Variants in KDM6A observed in about 807,000 individuals in gnomAD.
KDM6A encodes the protein lysine demethylase 6A, also known as lysine-specific demethylase 6A.
KDM6A carries 11 observed loss-of-function variants against 117.6 expected under a neutral mutation model. The observed-to-expected ratio is 0.09, with a 90% CI of 0.06 to 0.15. KDM6A has a LOEUF of 0.15. KDM6A is among the 10% of genes least tolerant of loss of function. The probability of loss-of-function intolerance (pLI) is 1.00; values close to 1 mark genes in which losing one functional copy is unlikely to be tolerated. For synonymous variants in KDM6A, 384 were observed against 396.1 expected (o/e 0.97, Z 0.36); for missense variants, 799 against 1,077.3 (o/e 0.74, Z 3.62).
chrX:45,000,843 C>T (rs763165110), intron 4 of KDM6A, among the ~76,000 whole-genome samples: 2 of 112,648 alleles, frequency 1.8e-5, no homozygotes, highest in South Asian at 3.6e-4. Flanking sequence ...TGGAAAAGAG[C>T]TACCATGCAG....
intron 15 of KDM6A, among the ~76,000 whole-genome samples, chrX:45,061,741 C>T (rs1262169142): frequency 9.1e-6 from 1 of 109,495 alleles, no homozygotes; most frequent in East Asian, 2.9e-4. Context: ...ATCCACCTAC[C>T]TCAGCCTCCC....
chrX:45,012,667 A>G (rs1169138993), intron 5 of KDM6A, among the ~76,000 whole-genome samples: 3 of 111,548 alleles, frequency 2.7e-5, no homozygotes, highest in African/African-American at 9.8e-5. Flanking sequence ...CTTATTACAG[A>G]GCATTTACAT....
At chrX:44,900,768 G>C (rs1448574725) in intron 2 of KDM6A, among the ~76,000 whole-genome samples, 3 of 111,198 alleles carry the variant, frequency 2.7e-5, no homozygotes, top group Non-Finnish European at 5.7e-5. Flanking sequence ...GTGGTGGCAG[G>C]AGCCGGTAAT....
chrX:44,955,080 A>G (rs2038247903), intron 2 of KDM6A, among the ~76,000 whole-genome samples: 2 of 111,678 alleles, frequency 1.8e-5, no homozygotes, highest in African/African-American at 6.5e-5. Flanking sequence ...TGAATTTAAG[A>G]TGATGTTGGG....
At chrX:44,899,035 GTGTT>G (rs1242049758) in intron 2 of KDM6A, among the ~76,000 whole-genome samples, 8 of 100,931 alleles carry the variant, frequency 7.9e-5, no homozygotes, top group East Asian at 3.2e-4. Flanking sequence ...GTGTGTGTGT[GTGTT>G]TGTTTGTTTT....
intron 27 of KDM6A, among the ~76,000 whole-genome samples, chrX:45,095,477 A>G (rs967165204): frequency 2.7e-5 from 3 of 111,638 alleles, no homozygotes; most frequent in Non-Finnish European, 3.8e-5. Flanking sequence ...CGTGAGCTAT[A>G]TAACAGGAGA....
Position 44,981,940 on chromosome X carries a change from T to A in KDM6A, c.384+7225T>A, listed in dbSNP as rs758073753. Among the ~76,000 whole-genome samples, 191 of 111,875 alleles carry A rather than the reference T, an allele frequency of 1.7e-3. 1 individual carries two copies. The highest frequency in any genetic ancestry group is 9.3e-3 in the Middle Eastern group (2 of 215). Reference sequence around the variant, plus strand: ...CTCCGCTAAAAATACAAAAATTAGCTGGGTGTGGTAGTGCTTCCTTGTAAT... The same window carrying A: ...CTCCGCTAAAAATACAAAAATTAGCAGGGTGTGGTAGTGCTTCCTTGTAAT... On this transcript the variant is annotated intron_variant, in intron 4 of 29. Transcript: ENST00000611820.
chrX:45,096,095 A>G (rs2046095815), intron 27 of KDM6A, among the ~76,000 whole-genome samples: 1 of 111,723 alleles, frequency 9.0e-6, no homozygotes, highest in Non-Finnish European at 1.9e-5. Flanking sequence ...CATACGAATT[A>G]TAGGCTATAT....
At chrX:45,024,798 A>G (rs143421558) in intron 6 of KDM6A, among the ~76,000 whole-genome samples, 263 of 111,910 alleles carry the variant, frequency 2.4e-3, no homozygotes, top group African/African-American at 8.2e-3. Context: ...CTTTAGTCTC[A>G]GTTATCTATC....
At chrX:44,950,334 T>C (rs983883401) in intron 2 of KDM6A, among the ~76,000 whole-genome samples, 2 of 111,878 alleles carry the variant, frequency 1.8e-5, no homozygotes, top group African/African-American at 3.3e-5. Context: ...AACTTTTTCA[T>C]ATGGAAAATC....
At chrX:44,898,022 A>G (rs1161388691) in intron 2 of KDM6A, among the ~76,000 whole-genome samples, 4 of 111,590 alleles carry the variant, frequency 3.6e-5, no homozygotes, top group Non-Finnish European at 5.7e-5. Flanking sequence ...GACTGGTGGG[A>G]TGGAAGTTCA....
chrX:44,959,884 C>T (rs758299019), intron 2 of KDM6A, among the ~76,000 whole-genome samples: 1 of 111,544 alleles, frequency 9.0e-6, no homozygotes, highest in Admixed American at 9.6e-5. Flanking sequence ...TGATTTGGTA[C>T]ATATAGCTAA....
At chrX:45,033,207 A>G (rs1420824458) in intron 6 of KDM6A, among the ~76,000 whole-genome samples, 1 of 112,031 alleles carries the variant, frequency 8.9e-6, no homozygotes, top group Non-Finnish European at 1.9e-5. Context: ...GAGGAAAGCA[A>G]TTGATTATAA....
chrX:44,933,464 A>G (rs2036784598), intron 2 of KDM6A, among the ~76,000 whole-genome samples: 1 of 103,115 alleles, frequency 9.7e-6, no homozygotes, highest in South Asian at 4.4e-4. Flanking sequence ...TAGTGAAGAC[A>G]GGGTTACGCT....
intron 27 of KDM6A, among the ~76,000 whole-genome samples, chrX:45,094,758 C>T (rs1361100435): frequency 9.0e-6 from 1 of 111,100 alleles, no homozygotes; most frequent in Non-Finnish European, 1.9e-5. Context: ...TCTTTTTTGC[C>T]CTCCCTCCTG....
chrX:45,000,482 C>T (rs907383524), intron 4 of KDM6A, among the ~76,000 whole-genome samples: 1 of 111,570 alleles, frequency 9.0e-6, no homozygotes, highest in Non-Finnish European at 1.9e-5. Flanking sequence ...AAAGGGATAG[C>T]CAGTTGGACT....
intron 8 of KDM6A, among the ~76,000 whole-genome samples, chrX:45,045,969 G>A (rs1026826831): frequency 9.0e-6 from 1 of 111,563 alleles, no homozygotes; most frequent in Admixed American, 9.6e-5. Context: ...TTTGAAGCAA[G>A]TATTACATCC....
At chrX:44,957,668 T>C (rs1184439599) in intron 2 of KDM6A, among the ~76,000 whole-genome samples, 1 of 111,779 alleles carries the variant, frequency 8.9e-6, no homozygotes, top group Admixed American at 9.6e-5. Context: ...AGTGTTTTTT[T>C]CCCTAGTAGG....
chrX:45,093,381 A>AAAAC (rs1238787205), intron 27 of KDM6A, among the ~76,000 whole-genome samples: 7 of 107,110 alleles, frequency 6.5e-5, no homozygotes, highest in Admixed American at 2.0e-4. Context: ...TCTCAAAAAA[A>AAAAC]AAACAAACAA....
Sources: allele counts gnomAD v4.1 joint callset (sites outside exome capture counted in the v4.1 genomes callset), GRCh38; gene constraint gnomAD v4.1.1; transcripts MANE v1.5; gene names NCBI Gene and HGNC (gene_info 2026-07-23, HGNC 2026-07-21).